The following FRMD4B variants were observed in gnomAD, a reference collection of about 807,000 sequenced individuals.
The protein encoded by FRMD4B is FERM domain containing 4B.
A neutral mutation model predicts 141.5 loss-of-function variants in FRMD4B; 74 were observed. The ratio of observed to expected loss-of-function variants is 0.52; its 90% CI spans 0.43 to 0.63. The LOEUF is 0.63. Among genes scored for constraint, FRMD4B ranks in the 30% least tolerant of loss-of-function variants. The pLI, the probability that FRMD4B is intolerant of heterozygous loss-of-function variation, is 0.00. For synonymous variants in FRMD4B, 506 were observed against 467.9 expected, an observed-to-expected ratio of 1.08 and a Z score of -1.05; for missense variants, 1,366 against 1,253.4, an observed-to-expected ratio of 1.09 and a Z score of -1.36.
chr3:69,317,516 G>A (rs1265633347), intron 1 of FRMD4B, among the ~76,000 whole-genome samples: 2 of 152,240 alleles, frequency 1.3e-5, no homozygotes, highest in African/African-American at 4.8e-5. Flanking sequence ...GGAGGCCGAG[G>A]CAGGAGGATC....
chr3:69,178,687 A>G, intron 21 of FRMD4B, among the ~76,000 whole-genome samples: 1 of 151,752 alleles, frequency 6.6e-6, no homozygotes, highest in Non-Finnish European at 1.5e-5. Flanking sequence ...AAGAAAAAAA[A>G]AAAAAAAAGG....
At chr3:69,539,420 T>G (rs530293160) in intron 1 of FRMD4B, among the ~76,000 whole-genome samples, 1 of 152,318 alleles carries the variant, frequency 6.6e-6, no homozygotes, top group Non-Finnish European at 1.5e-5. Flanking sequence ...TCCCACACTT[T>G]TCTAGATTAG....
At chr3:69,415,561 C>T (rs1052138809) in intron 2 of FRMD4B, among the ~76,000 whole-genome samples, 2 of 152,144 alleles carry the variant, frequency 1.3e-5, no homozygotes, top group African/African-American at 4.8e-5. Flanking sequence ...TCTCCCTTTT[C>T]CTGGTTAGGT....
At chr3:69,443,591 C>A (rs1448595140) in intron 1 of FRMD4B, among the ~76,000 whole-genome samples, 1 of 152,110 alleles carries the variant, frequency 6.6e-6, no homozygotes, top group Non-Finnish European at 1.5e-5. Flanking sequence ...TGGGACTGAG[C>A]CCTTAACCTG....
chr3:69,212,745 T>A (rs2093098886), intron 11 of FRMD4B, among the ~76,000 whole-genome samples: 1 of 152,230 alleles, frequency 6.6e-6, no homozygotes, highest in South Asian at 2.1e-4. Flanking sequence ...AAGCTCAATC[T>A]TATCAAGCCA....
intron 1 of FRMD4B, among the ~76,000 whole-genome samples, chr3:69,437,206 G>A (rs1189128570): frequency 6.6e-6 from 1 of 151,884 alleles, no homozygotes; most frequent in East Asian, 1.9e-4. Context: ...CTGAGTAGCT[G>A]GGACCACAGG....
chr3:69,357,148 T>C (rs866891059), intron 1 of FRMD4B, among the ~76,000 whole-genome samples: 3 of 152,106 alleles, frequency 2.0e-5, no homozygotes, highest in Admixed American at 6.5e-5. Context: ...AGGGATTCAG[T>C]CGTGAGGAAA....
At chr3:69,177,869 G>GC (rs1459420988) in intron 21 of FRMD4B, among the ~76,000 whole-genome samples, 1 of 152,068 alleles carries the variant, frequency 6.6e-6, no homozygotes, top group East Asian at 1.9e-4. Context: ...AACACTGGCC[G>GC]CTAGCAAGAT....
chr3:69,250,169 T>C, intron 5 of FRMD4B, 70 bp from the exon 6 acceptor site: 7 of 1,053,916 alleles, frequency 6.6e-6, no homozygotes, highest in Non-Finnish European at 1.0e-5. Context: ...GCTCTGAAGT[T>C]GAGGAAGCTG....
In FRMD4B at chr3:69,245,315, CTTTGTG is replaced by C. The variant is rs1462716713; in HGVS notation, c.581+3905_581+3910del. Among the ~76,000 whole-genome samples the C allele has an allele frequency of 1.9e-3, 217 of 116,034 alleles. 1 individual carries two copies. Among genetic ancestry groups the C allele is most frequent in the African/African-American group, 6.6e-3 (202 of 30,792 alleles). The allele number at this position is 116,034 out of a possible 152,430, so 76.1% of individuals were successfully genotyped here. ...ATGGTATTTTATTTTGCCTGACTTT[CTTTGTG>C]TGTGTGTGTGTGTGTGTGTGTGTGT... On this transcript the variant is annotated intron_variant, in intron 7 of 22. Coordinates refer to ENST00000398540, the MANE Select transcript of FRMD4B (RefSeq NM_015123.3).
chr3:69,353,562 T>C (rs1703224148), intron 1 of FRMD4B: 1 of 984,950 alleles, frequency 1.0e-6, no homozygotes, highest in South Asian at 4.7e-5. Flanking sequence ...CACCATGACC[T>C]CGGCTCATTT....
chr3:69,520,017 T>TTCC (rs1322602519), intron 1 of FRMD4B, among the ~76,000 whole-genome samples: 15 of 127,954 alleles, frequency 1.2e-4, no homozygotes, highest in East Asian at 4.6e-4. Flanking sequence ...TATATATATA[T>TTCC]ATATATATTC....
At chr3:69,302,977 G>C (rs1488436877) in intron 3 of FRMD4B, among the ~76,000 whole-genome samples, 1 of 152,188 alleles carries the variant, frequency 6.6e-6, no homozygotes, top group Non-Finnish European at 1.5e-5. Context: ...GGGAGGCTGA[G>C]GCAGGAGAAT....
At chr3:69,464,399 ACTGT>A (rs1705751181) in intron 1 of FRMD4B, among the ~76,000 whole-genome samples, 1 of 152,288 alleles carries the variant, frequency 6.6e-6, no homozygotes, top group Non-Finnish European at 1.5e-5. Flanking sequence ...TTACCCATAG[ACTGT>A]CTGCAGGCCA....
intron 11 of FRMD4B, among the ~76,000 whole-genome samples, chr3:69,207,327 A>G (rs1308922245): frequency 6.6e-6 from 1 of 151,626 alleles, no homozygotes; most frequent in Non-Finnish European, 1.5e-5. Flanking sequence ...AAAAAAAGAA[A>G]GAAAGAAAGA....
At chr3:69,417,150 T>A (rs557296932) in intron 2 of FRMD4B, among the ~76,000 whole-genome samples, 1 of 152,348 alleles carries the variant, frequency 6.6e-6, no homozygotes, top group South Asian at 2.1e-4. Context: ...ATGGTCGAAC[T>A]AATTTGCATT....
chr3:69,387,900 T>C (rs1704297477), upstream of FRMD4B, among the ~76,000 whole-genome samples: 1 of 152,170 alleles, frequency 6.6e-6, no homozygotes, highest in South Asian at 2.1e-4. Context: ...GTCTTCTCTA[T>C]GTGCCATCAG....
At chr3:69,457,571 C>T (rs1705639627) in intron 1 of FRMD4B, among the ~76,000 whole-genome samples, 1 of 152,116 alleles carries the variant, frequency 6.6e-6, no homozygotes, top group African/African-American at 2.4e-5. Flanking sequence ...GGTAACATGG[C>T]CGAGGTCGAA....
At chr3:69,200,358 TA>T in intron 11 of FRMD4B, 1 of 873,850 alleles carries the variant, frequency 1.1e-6, no homozygotes, top group Non-Finnish European at 1.4e-6. Flanking sequence ...AATAAAAGTA[TA>T]AAGTTACATA....
Sources: allele counts gnomAD v4.1 joint callset (sites outside exome capture counted in the v4.1 genomes callset), GRCh38; gene constraint gnomAD v4.1.1; transcripts MANE v1.5; gene names NCBI Gene and HGNC (gene_info 2026-07-23, HGNC 2026-07-21).